The following SLC44A1 variants were observed in gnomAD, a reference collection of about 807,000 sequenced individuals.
SLC44A1 encodes the protein choline transporter-like protein 1.
SLC44A1 carries 26 observed loss-of-function variants against 79.3 expected under a neutral mutation model. The ratio of observed to expected loss-of-function variants is 0.33; its 90% confidence interval spans 0.24 to 0.46. The LOEUF is 0.46. Among genes scored for constraint, SLC44A1 ranks in the 20% least tolerant of loss-of-function variants. The pLI is 1.00. For missense variants in SLC44A1, 688 were observed against 798.1 expected (o/e 0.86, Z 1.66); for synonymous variants, 263 against 286.2 (o/e 0.92, Z 0.82).
Position 105,362,990 on chromosome 9 carries a change from T to A in SLC44A1, c.1070T>A (p.Leu357His). 6.2e-7 allele frequency: 1 copy of A among 1,607,120 alleles called. No individual in the cohort carries two copies. The highest frequency in any genetic ancestry group is 8.5e-7 in the Non-Finnish European group (1 of 1,177,664). Reference protein sequence around the residue: ...LFWVYWIMTLLFLGTTGSPVQ... With the variant: ...LFWVYWIMTLHFLGTTGSPVQ... ...TGGGTGTACTGGATCATGACACTTC[T>A]TTTTCTTGGCACTACCGGTAAGAAG... is the stretch of plus-strand genomic sequence containing the variant. The change falls in exon 9 of 16, where the codon CTT (leucine) becomes CAT (histidine). Residue 357 changes from leucine to histidine, a missense_variant. By Grantham distance (99) the Leu-to-His change is moderately conservative. Coordinates refer to ENST00000374720, the MANE Select transcript of SLC44A1 (RefSeq NM_080546.5).
At chr9:105,264,430 G>A (rs1245071072) in intron 1 of SLC44A1, among the ~76,000 whole-genome samples, 3 of 152,210 alleles carry the variant, frequency 2.0e-5, no homozygotes. Flanking sequence ...GCCTCCTGAA[G>A]TGCAGGGATT....
intron 3 of SLC44A1, among the ~76,000 whole-genome samples, chr9:105,331,380 C>T (rs1390498734): frequency 6.6e-6 from 1 of 152,236 alleles, no homozygotes; most frequent in Non-Finnish European, 1.5e-5. Flanking sequence ...GTGTTACCCT[C>T]TCAGCTGAAA....
chr9:105,380,358 C>CT (rs35534709), intron 13 of SLC44A1, among the ~76,000 whole-genome samples: 33 of 150,106 alleles, frequency 2.2e-4, no homozygotes, highest in Middle Eastern at 3.4e-3. Context: ...ATTTTTTTTT[C>CT]TTTTTTTTGA....
chr9:105,385,128 T>C (rs1220783389), intron 14 of SLC44A1, among the ~76,000 whole-genome samples: 1 of 152,182 alleles, frequency 6.6e-6, no homozygotes, highest in Non-Finnish European at 1.5e-5. Flanking sequence ...AAATAGCCTC[T>C]TAAAAATGTT....
intron 2 of SLC44A1, among the ~76,000 whole-genome samples, chr9:105,302,989 A>G (rs866954172): frequency 2.0e-5 from 3 of 152,314 alleles, no homozygotes; most frequent in Middle Eastern, 3.4e-3. Context: ...AAGAATTAGG[A>G]TCCGTAACAT....
At chr9:105,405,187 G>A (rs764403915) in intron 15 of SLC44A1, among the ~76,000 whole-genome samples, 7 of 152,096 alleles carry the variant, frequency 4.6e-5, no homozygotes, top group Admixed American at 1.3e-4. Flanking sequence ...TGGGTGTGAT[G>A]GCGGGCACCT....
intron 15 of SLC44A1, among the ~76,000 whole-genome samples, chr9:105,429,576 T>G (rs1829366277): frequency 6.6e-6 from 1 of 152,208 alleles, no homozygotes; most frequent in African/African-American, 2.4e-5. Context: ...GTGCTGAGAT[T>G]ATAGGCATGC....
In SLC44A1 at chr9:105,395,623, T is replaced by C; in HGVS notation, c.*6567T>C. On this transcript the variant is annotated 3_prime_UTR_variant, in exon 16 of 16. Coordinates refer to ENST00000374720, the MANE Select transcript of SLC44A1 (RefSeq NM_080546.5). Reference sequence around the variant, plus strand: ...CGTAAGTCCAGTCTAAGTATCTAAATGTGATATGCCCTTTTGTCACAGAAG... The same window carrying C: ...CGTAAGTCCAGTCTAAGTATCTAAACGTGATATGCCCTTTTGTCACAGAAG... 1 of 985,388 alleles carries C rather than the reference T, an allele frequency of 1.0e-6. No homozygotes were observed. The highest frequency in any genetic ancestry group is 1.2e-6 in the Non-Finnish European group (1 of 829,858). The allele number at this position is 985,388 out of a possible 1,614,324, so 61.0% of individuals were successfully genotyped here.
chr9:105,321,688 C>A (rs931426820), intron 3 of SLC44A1, among the ~76,000 whole-genome samples: 1 of 151,840 alleles, frequency 6.6e-6, no homozygotes, highest in Non-Finnish European at 1.5e-5. Context: ...AGATGCCTAA[C>A]TAAAGTCAGT....
At chr9:105,375,185 G>T (rs147538206) in intron 13 of SLC44A1, among the ~76,000 whole-genome samples, 66 of 152,304 alleles carry the variant, frequency 4.3e-4, no homozygotes, top group African/African-American at 1.4e-3. Flanking sequence ...GGGATTACAG[G>T]CGTGCCACCA....
At chr9:105,411,627 T>C (rs1829096931) in intron 15 of SLC44A1, among the ~76,000 whole-genome samples, 1 of 152,212 alleles carries the variant, frequency 6.6e-6, no homozygotes. Context: ...TAATCTCTTT[T>C]AACTTGGAGC....
chr9:105,249,976 C>T (rs190720490), intron 1 of SLC44A1, among the ~76,000 whole-genome samples: 1 of 151,032 alleles, frequency 6.6e-6, no homozygotes, highest in Admixed American at 6.6e-5. Flanking sequence ...TCAAGTGATC[C>T]TCCCACCTCA....
chr9:105,413,471 G>T (rs1047098374), intron 15 of SLC44A1, among the ~76,000 whole-genome samples: 1 of 152,146 alleles, frequency 6.6e-6, no homozygotes, highest in African/African-American at 2.4e-5. Context: ...GATCCTACTT[G>T]AAAGAACAAA....
In SLC44A1 at chr9:105,361,262, C is replaced by A; in HGVS notation, c.832C>A (p.Gln278Lys). Residue 278 changes from glutamine (Q) to lysine (K), a missense_variant, in exon 8 of 16, where the codon CAG becomes AAG. Coordinates refer to ENST00000374720, the MANE Select transcript of SLC44A1 (RefSeq NM_080546.5). ...TCCCAAAGAAACTGTTACTCCTGAG[C>A]AGCTTCAGATAGCTGAAGACAATCT... Reference protein sequence around the residue: ...RSPKETVTPEQLQIAEDNLRA... With the variant: ...RSPKETVTPEKLQIAEDNLRA... 7 of 1,613,590 alleles carry A rather than the reference C, an allele frequency of 4.3e-6. No homozygotes were observed. Among genetic ancestry groups the A allele is most frequent in the Non-Finnish European group, 5.9e-6 (7 of 1,179,516 alleles).
At position 105,330,573 on chromosome 9, in the gene SLC44A1, T is replaced by C. The variant is rs142044148; in HGVS notation, c.270-4990T>C. Among the ~76,000 whole-genome samples the C allele has an allele frequency of 6.6e-5, 10 of 152,340 alleles. No individual in the cohort carries two copies. In the South Asian group the frequency reaches 1.9e-3, roughly 28 times the overall value. On this transcript the variant is annotated intron_variant, in intron 3 of 15. Coordinates refer to ENST00000374720, the MANE Select transcript of SLC44A1 (RefSeq NM_080546.5). ...GCAGCTTTAAAAGTCACTTCTTTTC[T>C]GACTCTTATCCTTTTTCCTGAGTTT...
At chr9:105,265,657 A>G (rs906023589) in intron 1 of SLC44A1, among the ~76,000 whole-genome samples, 4 of 152,154 alleles carry the variant, frequency 2.6e-5, no homozygotes, top group Non-Finnish European at 4.4e-5. Context: ...GCTGGGTTGT[A>G]TGGTAAGTGA....
intron 12 of SLC44A1, 30 bp downstream of exon 12, chr9:105,366,459 T>G: frequency 2.0e-6 from 2 of 1,007,514 alleles, no homozygotes; most frequent in Non-Finnish European, 1.4e-6. Context: ...AATCTAATAT[T>G]TACTTTCAAA....
chr9:105,334,437 A>C (rs1220986101), intron 3 of SLC44A1, among the ~76,000 whole-genome samples: 1 of 150,544 alleles, frequency 6.6e-6, no homozygotes, highest in African/African-American at 2.4e-5. Context: ...TCTGCTTTTC[A>C]GTTTGTTCTC....
intron 1 of SLC44A1, among the ~76,000 whole-genome samples, chr9:105,258,356 A>G (rs1169096620): frequency 6.6e-6 from 1 of 152,226 alleles, no homozygotes; most frequent in Admixed American, 6.5e-5. Context: ...TAGAATATAG[A>G]GAACACCAGT....
Sources: gnomAD v4.1 joint callset for allele counts (sites outside exome capture counted in the v4.1 genomes callset) on GRCh38, gnomAD v4.1.1 for gene constraint, MANE v1.5 for transcripts, NCBI Gene and HGNC (gene_info 2026-07-23, HGNC 2026-07-21) for gene names.